Variants in BCLAF1 observed in about 807,000 individuals in gnomAD.
BCLAF1 encodes the protein BCL2 associated transcription factor 1, also known as bcl-2-associated transcription factor 1.
BCLAF1 carries 10 observed loss-of-function variants against 99.5 expected under a neutral mutation model. That is an observed-to-expected ratio of 0.10 (90% CI 0.06 to 0.17). The LOEUF (loss-of-function observed/expected upper bound fraction) is 0.17, where lower values mean the gene tolerates loss of function less well. BCLAF1 is among the 10% of genes least tolerant of loss of function. The pLI is 1.00. For missense variants in BCLAF1, 636 were observed against 1,105.8 expected (o/e 0.58, Z 6.02); for synonymous variants, 255 against 370.9 (o/e 0.69, Z 3.59).
rs1780558685 is a variant in BCLAF1 at position 136,257,990 on chromosome 6, A to G, written c.*3120T>C. The G allele has an allele frequency of 6.6e-6, 1 of 152,130 alleles. No homozygotes were observed. The highest frequency in any genetic ancestry group is 1.5e-5 in the Non-Finnish European group (1 of 67,936). 9.4% of individuals were successfully genotyped at this position (152,130 alleles called of 1,614,324 possible). ...ATTAAGCTACCAATGATCTTACACA[A>G]CACTTTACATGCATATGTATGTACA... On this transcript the variant is annotated 3_prime_UTR_variant, in exon 13 of 13. Transcript: ENST00000531224.
At position 136,276,292 on chromosome 6, in the gene BCLAF1, G is replaced by C. The variant is rs200579022; in HGVS notation, c.1233C>G (p.Phe411Leu). 6.3e-7 allele frequency: 1 copy of C among 1,585,622 alleles called. No individual in the cohort carries two copies. Among genetic ancestry groups the C allele is most frequent in the Admixed American group, 1.8e-5 (1 of 56,188 alleles). ...CCTGATCTGCGAGGACTGACTTCCT[G>C]AACTGTCTATAATCCTCTGTCTCCT... ...DTEETEDYRQFRKSVLADQGK... is the reference protein window; with the variant it reads ...DTEETEDYRQLRKSVLADQGK... Residue 411 changes from phenylalanine to leucine, a missense_variant, in exon 5 of 13, where the codon TTC (phenylalanine) becomes TTG (leucine). Around this residue, in one of 9 missense-constraint regions of BCLAF1, gnomAD observed 186 missense variants for 275.3 expected, o/e 0.68. Coordinates refer to ENST00000531224, the MANE Select transcript of BCLAF1 (RefSeq NM_014739.3).
chr6:136,279,259 C>A (rs1475379671), intron 3 of BCLAF1, among the ~76,000 whole-genome samples: 1 of 152,164 alleles, frequency 6.6e-6, no homozygotes, highest in Admixed American at 6.5e-5. Context: ...ACTATTAATT[C>A]TTAATGGTAT....
At position 136,259,354 on chromosome 6, in the gene BCLAF1, G is replaced by C. The variant is rs1345789109; in HGVS notation, c.*1756C>G. 1.3e-5 allele frequency: 2 copies of C among 151,978 alleles called. No individual in the cohort carries two copies. The highest frequency in any genetic ancestry group is 4.8e-5 in the African/African-American group (2 of 41,410). 9.4% of individuals were successfully genotyped at this position (151,978 alleles called of 1,614,324 possible). ...AGCACATAGTCATGCACACAGATTT[G>C]ATGTCTAACCAAGTAACTGTTATGG... On this transcript the variant is annotated 3_prime_UTR_variant, in exon 13 of 13. Transcript: ENST00000531224.
intron 1 of BCLAF1, among the ~76,000 whole-genome samples, chr6:136,287,637 T>C (rs1785327926): frequency 6.6e-6 from 1 of 152,208 alleles, no homozygotes; most frequent in African/African-American, 2.4e-5. Flanking sequence ...ACTCCCAAAC[T>C]AAGTCCTATG....
intron 11 of BCLAF1, 112 bp downstream of exon 11, chr6:136,266,917 C>A: frequency 7.5e-7 from 1 of 1,327,660 alleles, no homozygotes; most frequent in Non-Finnish European, 1.0e-6. Flanking sequence ...AAAAGGTTTC[C>A]CACATAACGG....
chr6:136,282,894 T>C (rs1475347505), intron 1 of BCLAF1, among the ~76,000 whole-genome samples: 2 of 152,092 alleles, frequency 1.3e-5, no homozygotes, highest in Non-Finnish European at 2.9e-5. Flanking sequence ...TAGCGTATCA[T>C]GAAACTGACA....
At chr6:136,284,130 G>GTGTGTATATATATATATATATATA (rs36141174) in intron 1 of BCLAF1, among the ~76,000 whole-genome samples, 9 of 122,092 alleles carry the variant, frequency 7.4e-5, no homozygotes, top group African/African-American at 3.3e-4. Flanking sequence ...GTGTGTGTGT[G>GTGTGTATATATATATATATATATA]TATATATATA....
At chr6:136,279,266 GTAT>G (rs1784038130) in intron 3 of BCLAF1, among the ~76,000 whole-genome samples, 1 of 151,970 alleles carries the variant, frequency 6.6e-6, no homozygotes, top group Non-Finnish European at 1.5e-5. Context: ...ATTCTTAATG[GTAT>G]TATGGTCATT....
At chr6:136,269,708 A>G in intron 8 of BCLAF1, 96 bp from the exon 9 acceptor site, 7 of 925,562 alleles carry the variant, frequency 7.6e-6, no homozygotes, top group Non-Finnish European at 1.1e-5. Flanking sequence ...CAGCTTCTAA[A>G]CTGGCATTTT....
chr6:136,269,095 G>A (rs1481711589), intron 9 of BCLAF1: 16 of 1,144,770 alleles, frequency 1.4e-5, no homozygotes, highest in Non-Finnish European at 1.7e-5. Context: ...TGGGTGTTAT[G>A]AGTTGAAAAA....
rs573567222 is a variant in BCLAF1, at chr6:136,268,359, A to T, written c.2220-20T>A. 1 of 1,572,542 alleles carries T rather than the reference A, an allele frequency of 6.4e-7. No homozygotes were observed. The highest frequency in any genetic ancestry group is 8.6e-7 in the Non-Finnish European group (1 of 1,160,560). ...TGTTTACTGCAAAATAAAGAAAACA[A>T]AAAATGTGATACTTTTAAAAAGATA... On this transcript the variant is annotated intron_variant, in intron 9 of 12. Coordinates refer to ENST00000531224, the MANE Select transcript of BCLAF1 (RefSeq NM_014739.3).
intron 11 of BCLAF1, among the ~76,000 whole-genome samples, chr6:136,263,103 T>G (rs1390141995): frequency 6.6e-6 from 1 of 152,176 alleles, no homozygotes; most frequent in Non-Finnish European, 1.5e-5. Flanking sequence ...ATTCAACTAA[T>G]CCTCACAACA....
At chr6:136,284,128 G>GTATATATATA (rs1242722909) in intron 1 of BCLAF1, among the ~76,000 whole-genome samples, 1,355 of 81,082 alleles carry the variant, frequency 0.017, 45 homozygotes, top group African/African-American at 0.055. Flanking sequence ...GTGTGTGTGT[G>GTATATATATA]TGTATATATA....
chr6:136,268,400 C>G, intron 9 of BCLAF1, 61 bp from the exon 10 acceptor site: 1 of 1,408,094 alleles, frequency 7.1e-7, no homozygotes, highest in Non-Finnish European at 9.7e-7. Flanking sequence ...CCTGCTGAAT[C>G]TTACAACAGA....
Position 136,269,567 on chromosome 6 carries a change from T to C in BCLAF1, c.2089A>G (p.Ile697Val), listed in dbSNP as rs1294107455. Residue 697 changes from isoleucine to valine, a missense_variant, in exon 9 of 13, where the codon ATT becomes GTT. Physicochemically the swap from Ile to Val is conservative, Grantham distance 29. Around this residue, in one of 9 missense-constraint regions of BCLAF1, gnomAD observed 180 missense variants for 270.0 expected, o/e 0.67. Transcript: ENST00000531224. ...CTTCTTTCTTTTCTACGGCGATCAATGTCATGCCGAAGGTCAGCAGAGTCA... is the reference window on the plus strand; with the variant it reads ...CTTCTTTCTTTTCTACGGCGATCAACGTCATGCCGAAGGTCAGCAGAGTCA... ...RCDSADLRHD[I>V]DRRRKERSKE... 1.9e-6 allele frequency: 3 copies of C among 1,611,834 alleles called. No homozygotes were observed. The highest frequency in any genetic ancestry group is 2.5e-6 in the Non-Finnish European group (3 of 1,178,840).
rs765610754 is a variant in BCLAF1 at position 136,269,361 on chromosome 6, T to C, written c.2219+76A>G. 23 of 1,578,244 alleles carry C rather than the reference T, an allele frequency of 1.5e-5. No individual in the cohort carries two copies. In the South Asian group the frequency reaches 1.7e-4, roughly 12 times the overall value. On this transcript the variant is annotated intron_variant, in intron 9 of 12. Transcript: ENST00000531224. ...TAAACATTCGATTACACAGTCAAAA[T>C]TGAAAGCAATTAAGCTGACAATTAT...
rs1644966149 is a variant in BCLAF1, at chr6:136,260,393, G to A, written c.*717C>T. The A allele has an allele frequency of 1.3e-5, 2 of 152,012 alleles. No individual in the cohort carries two copies. Among genetic ancestry groups the A allele is most frequent in the Admixed American group, 1.3e-4 (2 of 15,248 alleles). 9.4% of individuals were successfully genotyped at this position (152,012 alleles called of 1,614,324 possible). ...AAACTATCAAATAGGAATAGAAAGA[G>A]AACACACAGTTTTGAACGCAAATAG... On this transcript the variant is annotated 3_prime_UTR_variant, in exon 13 of 13. Transcript: ENST00000531224.
rs1179647164 is a variant in BCLAF1 at position 136,257,068 on chromosome 6, AG to A, written c.*4041del. The A allele has an allele frequency of 1.3e-5, 2 of 152,214 alleles. No homozygotes were observed. Among genetic ancestry groups the A allele is most frequent in the East Asian group, 3.8e-4 (2 of 5,200 alleles). The allele number at this position is 152,214 out of a possible 1,614,324, so 9.4% of individuals were successfully genotyped here. On this transcript the variant is annotated 3_prime_UTR_variant, in exon 13 of 13. Transcript: ENST00000531224. ...AATCTGGAAGCTGGCCAACCCCAAA[AG>A]ATTAAGAAAAATTCGATGTATATTC...
chr6:136,269,625 GAT>G lies in BCLAF1; in HGVS notation c.2044-15_2044-14del, dbSNP rs772791507. 3 of 1,556,412 alleles carry G rather than the reference GAT, an allele frequency of 1.9e-6. No homozygotes were observed. The East Asian group carries it at 6.9e-5, about 36-fold the overall frequency. On this transcript the variant is annotated splice_polypyrimidine_tract_variant and intron_variant, in intron 8 of 12. Transcript: ENST00000531224. ...ATTTTTTATCTCCCTATAAAAGACA[GAT>G]ATAAAATACAGATTTCAGGGGAGAA...
Sources: gnomAD v4.1 joint callset for allele counts (sites outside exome capture counted in the v4.1 genomes callset) on GRCh38, gnomAD v4.1.1 for gene constraint, gnomAD v4.1.1 regional missense constraint, MANE v1.5 for transcripts, NCBI Gene and HGNC (gene_info 2026-07-23, HGNC 2026-07-21) for gene names.